Variants in MED24 observed in about 807,000 individuals in gnomAD.
MED24 encodes mediator complex subunit 24.
In MED24, 74 loss-of-function variants were observed where a neutral mutation model predicts 118.8. The observed-to-expected ratio is 0.62, with a 90% CI of 0.52 to 0.76. The LOEUF (loss-of-function observed/expected upper bound fraction) is 0.76, where lower values mean the gene tolerates loss of function less well. Ranked by LOEUF, MED24 falls within the 30% of genes least tolerant of loss-of-function variation. MED24 has a pLI of 0.00. For synonymous variants in MED24, 521 were observed against 523.9 expected (o/e 0.99, Z 0.08); for missense variants, 1,041 against 1,278.9 (o/e 0.81, Z 2.84).
At chr17:40,036,989 T>C (rs567610282) in intron 3 of MED24, among the ~76,000 whole-genome samples, 1 of 152,102 alleles carries the variant, frequency 6.6e-6, no homozygotes, top group African/African-American at 2.4e-5. Flanking sequence ...AAGACTAGCC[T>C]GGCCAACATG....
At chr17:40,035,466 G>T in intron 5 of MED24, 117 bp from the exon 6 acceptor site, 1 of 1,168,004 alleles carries the variant, frequency 8.6e-7, no homozygotes. Flanking sequence ...TGAGAAGCTA[G>T]CAAAGTCCTG....
At chr17:40,034,692 C>T (rs9890792) in intron 6 of MED24, among the ~76,000 whole-genome samples, 13,507 of 152,274 alleles carry the variant, frequency 0.089, 1,995 homozygotes, top group African/African-American at 0.31. Flanking sequence ...CAAGAGTCAT[C>T]TGCTTCCAAG....
intron 3 of MED24, among the ~76,000 whole-genome samples, chr17:40,036,515 C>A (rs1181402380): frequency 6.6e-6 from 1 of 151,940 alleles, no homozygotes. Flanking sequence ...ATGGTGAAAC[C>A]CCGTCTCTAC....
intron 24 of MED24, 165 bp from the exon 25 acceptor site, chr17:40,020,098 GGAGGGGGA>G: frequency 3.2e-6 from 3 of 951,334 alleles, no homozygotes; most frequent in Non-Finnish European, 4.8e-6. Flanking sequence ...GGGGAGGGGA[GGAGGGGGA>G]ACTAGACAGG....
At position 40,026,882 on chromosome 17, in the gene MED24, GAGCAGGGCCACC is replaced by G; in HGVS notation, c.1671_1682del (p.Val558_Leu561del). The G allele has an allele frequency of 6.2e-7, 1 of 1,613,648 alleles. No individual in the cohort carries two copies. The highest frequency in any genetic ancestry group is 1.3e-5 in the African/African-American group (1 of 75,018). On this transcript the variant is annotated inframe_deletion, in exon 17 of 26. Transcript: ENST00000394128. ...CTAGCTTCATCTCCGAGGAGTTGTT[GAGCAGGGCCACC>G]AGGGACTCCACTTTGGTGGAGTCGG... is the stretch of plus-strand genomic sequence containing the variant.
At chr17:40,027,149 CTG>C (rs773005617) in intron 16 of MED24, 115 bp from the exon 17 acceptor site, 25 of 1,356,208 alleles carry the variant, frequency 1.8e-5, no homozygotes, top group Non-Finnish European at 2.4e-5. Context: ...AGCCCAAAGA[CTG>C]GGGACGAACT....
chr17:40,024,108 G>A (rs1355278495), intron 19 of MED24, among the ~76,000 whole-genome samples: 1 of 152,112 alleles, frequency 6.6e-6, no homozygotes, highest in Admixed American at 6.6e-5. Flanking sequence ...CTCCCTACTT[G>A]GTAGGGCGGG....
At chr17:40,023,652 C>G (rs996271790) in intron 19 of MED24, 3 of 436,518 alleles carry the variant, frequency 6.9e-6, no homozygotes, top group African/African-American at 4.0e-5. Context: ...CCTGGCCATT[C>G]CAGCCAGATA....
At chr17:40,026,518 C>T in intron 18 of MED24, 129 bp downstream of exon 18, 1 of 1,144,722 alleles carries the variant, frequency 8.7e-7, no homozygotes, top group Non-Finnish European at 1.3e-6. Flanking sequence ...ACAACGATTA[C>T]ACAAAATATC....
chr17:40,032,415 C>T, intron 9 of MED24: 1 of 573,532 alleles, frequency 1.7e-6, no homozygotes, highest in Admixed American at 3.1e-5. Flanking sequence ...ACCTATCTGT[C>T]TGATGACCAA....
At chr17:40,026,039 T>A in intron 19 of MED24, 117 bp downstream of exon 19, 1 of 1,022,756 alleles carries the variant, frequency 9.8e-7, no homozygotes, top group East Asian at 2.5e-5. Flanking sequence ...GGAAAGTGAG[T>A]GAGTGATCAA....
At chr17:40,030,087 C>T (rs1983186792) in intron 12 of MED24, among the ~76,000 whole-genome samples, 1 of 152,070 alleles carries the variant, frequency 6.6e-6, no homozygotes, top group Non-Finnish European at 1.5e-5. Context: ...GGCTGGAGTA[C>T]AGTGGCACGA....
chr17:40,033,511 C>T lies in MED24; in HGVS notation c.560-55G>A, dbSNP rs1312890810. On this transcript the variant is annotated intron_variant, in intron 6 of 25. Coordinates refer to ENST00000394128, the MANE Select transcript of MED24 (RefSeq NM_014815.4). The surrounding 1 kb of genome is among the most constrained non-coding windows in gnomAD (Gnocchi z 5.2). ...GATGGGAAACAGGAGAGAAGGAGCA[C>T]CTGGCCCTGAACTCCTCGATTTTGG... 4.8e-6 allele frequency: 7 copies of T among 1,456,436 alleles called. No individual in the cohort carries two copies. The highest frequency in any genetic ancestry group is 6.6e-6 in the Non-Finnish European group (7 of 1,063,130). 90.2% of individuals were successfully genotyped at this position (1,456,436 alleles called of 1,614,324 possible).
intron 3 of MED24, among the ~76,000 whole-genome samples, chr17:40,044,413 G>A (rs962780658): frequency 4.6e-5 from 7 of 150,624 alleles, no homozygotes; most frequent in Non-Finnish European, 8.9e-5. Context: ...CCAGCTACTC[G>A]GGAGGCTGAG....
At position 40,021,952 on chromosome 17, in the gene MED24, C is replaced by A; in HGVS notation, c.2623+3G>T. The A allele has an allele frequency of 6.3e-7, 1 of 1,591,784 alleles. No homozygotes were observed. Among genetic ancestry groups the A allele is most frequent in the Non-Finnish European group, 8.6e-7 (1 of 1,167,478 alleles). ...GCGGCGCGCGGCCAGCCCACACACT[C>A]ACTGGGGCTCGAAAGGATGTTGGCA... On this transcript the variant is annotated splice_donor_region_variant and intron_variant, in intron 23 of 25. Transcript: ENST00000394128.
At position 40,033,430 on chromosome 17, in the gene MED24, G is replaced by C; in HGVS notation, c.586C>G (p.Leu196Val). ...ASSWTAIEHSLLKLGEILANL... is the reference protein window; with the variant it reads ...ASSWTAIEHSVLKLGEILANL... The stretch of plus-strand genomic sequence containing the variant: ...GCCAGGATCTCTCCAAGTTTCAAGA[G>C]AGAATGCTCGATGGCAGTCCAAGAA... The change falls in exon 7 of 26, where the codon CTC becomes GTC. Residue 196 changes from leucine to valine, a missense_variant. Coordinates refer to ENST00000394128, the MANE Select transcript of MED24 (RefSeq NM_014815.4). The surrounding 1 kb of genome is among the most constrained non-coding windows in gnomAD (Gnocchi z 5.2). 2 of 1,602,762 alleles carry C rather than the reference G, an allele frequency of 1.2e-6. No individual in the cohort carries two copies. Among genetic ancestry groups the C allele is most frequent in the African/African-American group, 1.3e-5 (1 of 74,842 alleles).
intron 12 of MED24, 74 bp downstream of exon 12, chr17:40,031,085 G>C: frequency 1.4e-6 from 2 of 1,421,530 alleles, no homozygotes; most frequent in Non-Finnish European, 1.9e-6. Flanking sequence ...AGGTTGAAAG[G>C]CACGCAGCAG....
chr17:40,033,376 G>A lies in MED24; in HGVS notation c.640C>T (p.Gln214Ter). The A allele has an allele frequency of 6.2e-7, 1 of 1,612,844 alleles. No homozygotes were observed. The highest frequency in any genetic ancestry group is 1.3e-5 in the African/African-American group (1 of 75,032). ...ATGAGGGTGCCACACTGCTCGGCCT[G>A]ACTCCGGAGCTGCGGGTTGCTGAGA... ...ANLSNPQLRS[Q>*]AEQCGTLIRS... Residue 214 changes from glutamine to a stop codon, truncating the protein, a stop_gained, in exon 7 of 26, where the codon CAG becomes TAG. Coordinates refer to ENST00000394128, the MANE Select transcript of MED24 (RefSeq NM_014815.4). LOFTEE classifies it high-confidence loss of function. This position sits in a 1 kb window ranked among gnomAD's most constrained non-coding sequence, Gnocchi z 5.2.
chr17:40,032,532 C>T (rs1456906528), intron 9 of MED24, 117 bp downstream of exon 9: 3 of 724,298 alleles, frequency 4.1e-6, no homozygotes, highest in Non-Finnish European at 4.6e-6. Context: ...CACTGGAATA[C>T]CTGGCAGGCT....
Sources: allele counts gnomAD v4.1 joint callset (sites outside exome capture counted in the v4.1 genomes callset), GRCh38; gene constraint gnomAD v4.1.1; non-coding constraint Gnocchi (gnomAD v3.1); transcripts MANE v1.5; gene names NCBI Gene and HGNC (gene_info 2026-07-23, HGNC 2026-07-21).